Variants in GFPT2 observed in about 807,000 individuals in gnomAD.
GFPT2 encodes glutamine--fructose-6-phosphate transaminase 2.
Under a neutral mutation model 85.6 loss-of-function variants are expected in GFPT2, and 62 were observed. The ratio of observed to expected loss-of-function variants is 0.72; its 90% CI spans 0.59 to 0.90. GFPT2 has a LOEUF of 0.90. Ranked by LOEUF, GFPT2 falls within the 40% of genes least tolerant of loss-of-function variation. GFPT2 has a pLI of 0.00. For missense variants in GFPT2, 788 were observed against 893.4 expected (o/e 0.88, Z 1.50); for synonymous variants, 368 against 344.5 (o/e 1.07, Z -0.75).
chr5:180,341,852 C>G (rs1764522218), intron 1 of GFPT2, among the ~76,000 whole-genome samples: 2 of 152,194 alleles, frequency 1.3e-5, no homozygotes, highest in Admixed American at 6.5e-5. Context: ...GCTCACACGA[C>G]AGCCCCCAAA....
intron 1 of GFPT2, 86 bp downstream of exon 1, chr5:180,353,125 G>A: frequency 1.8e-6 from 2 of 1,134,824 alleles, no homozygotes; most frequent in Non-Finnish European, 2.2e-6. Flanking sequence ...CTCGGCGCCT[G>A]CTTGCGGGCG....
chr5:180,307,283 A>C lies in GFPT2; in HGVS notation c.1567T>G (p.Ser523Ala), dbSNP rs1763801384. ...AAGTCGTGGATCTTCTCCTCCAGAG[A>C]CAGCACTTCCTTGATCAGCTCTGGG... Reference protein sequence around the residue: ...SLPELIKEVLSLEEKIHDLAL... With the variant: ...SLPELIKEVLALEEKIHDLAL... Residue 523 changes from serine to alanine, a missense_variant, in exon 16 of 19, where the codon TCT becomes GCT. Ser to Ala is a moderately conservative substitution (Grantham distance 99). Transcript: ENST00000253778. 2 of 1,613,970 alleles carry C rather than the reference A, an allele frequency of 1.2e-6. No individual in the cohort carries two copies. Among genetic ancestry groups the C allele is most frequent in the East Asian group, 4.5e-5 (2 of 44,872 alleles).
chr5:180,353,219 G>A lies in GFPT2; in HGVS notation c.-2C>T. ...GCGGGCGCGGCACTCACCGCACATC[G>A]TGGCTGCTTCTCGGGCTCCTTCGCG... is the stretch of plus-strand genomic sequence containing the variant. On this transcript the variant is annotated 5_prime_UTR_variant, in exon 1 of 19. The change creates a new upstream start codon in the 5' untranslated region. Coordinates refer to ENST00000253778, the MANE Select transcript of GFPT2 (RefSeq NM_005110.4). The A allele has an allele frequency of 8.1e-7, 1 of 1,240,684 alleles. No homozygotes were observed. The highest frequency in any genetic ancestry group is 3.2e-5 in the East Asian group (1 of 31,694). 76.9% of individuals were successfully genotyped at this position (1,240,684 alleles called of 1,614,324 possible). A position where few individuals can be genotyped will look rare whatever the true frequency, so the allele number is the denominator to read the frequency against.
Position 180,330,585 on chromosome 5 carries a change from T to G in GFPT2, c.534+115A>C. ...TTTATCCCCAGGACTCTGTGCAAGT[T>G]TGTCTAACAAGGGCTTATAAAAAAT... On this transcript the variant is annotated intron_variant, in intron 6 of 18. Transcript: ENST00000253778. This position sits in a 1 kb window ranked among gnomAD's most constrained non-coding sequence, Gnocchi z 4.4. The G allele has an allele frequency of 1.2e-6, 1 of 835,624 alleles. No homozygotes were observed. The highest frequency in any genetic ancestry group is 1.9e-6 in the Non-Finnish European group (1 of 515,090). The allele number at this position is 835,624 out of a possible 1,614,324, so 51.8% of individuals were successfully genotyped here.
chr5:180,352,435 T>C lies in GFPT2; in HGVS notation c.7+776A>G, dbSNP rs1267962283. The C allele has an allele frequency of 2.9e-5, 13 of 448,316 alleles. No individual in the cohort carries two copies. The East Asian group carries it at 7.9e-4, about 27-fold the overall frequency. 27.8% of individuals were successfully genotyped at this position (448,316 alleles called of 1,614,324 possible). On this transcript the variant is annotated intron_variant, in intron 1 of 18. Coordinates refer to ENST00000253778, the MANE Select transcript of GFPT2 (RefSeq NM_005110.4). Reference sequence around the variant, plus strand: ...AGCGGAGGCGGCCCAGCCAGGAGAGTAAAGAATTGCAGATGTGCGCTCCGG... The same window carrying C: ...AGCGGAGGCGGCCCAGCCAGGAGAGCAAAGAATTGCAGATGTGCGCTCCGG...
intron 9 of GFPT2, among the ~76,000 whole-genome samples, chr5:180,320,218 T>A (rs981713150): frequency 6.6e-6 from 1 of 151,954 alleles, no homozygotes; most frequent in African/African-American, 2.4e-5. Flanking sequence ...GGTCTCGATC[T>A]CCTGACCTCG....
chr5:180,317,118 G>A (rs778132818), intron 10 of GFPT2, 60 bp from the exon 11 acceptor site: 13 of 1,082,002 alleles, frequency 1.2e-5, no homozygotes, highest in Non-Finnish European at 1.9e-5. Flanking sequence ...TTTTCATTAT[G>A]CAGCAGCGAT....
At chr5:180,320,376 A>C (rs1764095987) in intron 9 of GFPT2, among the ~76,000 whole-genome samples, 1 of 152,248 alleles carries the variant, frequency 6.6e-6, no homozygotes, top group Non-Finnish European at 1.5e-5. Context: ...AGTATCTTTT[A>C]AAATCATTTT....
At position 180,328,473 on chromosome 5, in the gene GFPT2, A is replaced by C. The variant is rs957215255; in HGVS notation, c.535-135T>G. On this transcript the variant is annotated intron_variant, in intron 6 of 18. Coordinates refer to ENST00000253778, the MANE Select transcript of GFPT2 (RefSeq NM_005110.4). This position sits in a 1 kb window ranked among gnomAD's most constrained non-coding sequence, Gnocchi z 5.4. ...GGGTCCCTCGGGGAGCTGAGTGCAG[A>C]ACAGCGCATCCGGGGTGACATCACG... 1 of 680,870 alleles carries C rather than the reference A, an allele frequency of 1.5e-6. No homozygotes were observed. The highest frequency in any genetic ancestry group is 1.8e-5 in the African/African-American group (1 of 55,854). The allele number at this position is 680,870 out of a possible 1,614,324, so 42.2% of individuals were successfully genotyped here.
chr5:180,307,824 C>A (rs1763808871), intron 15 of GFPT2, among the ~76,000 whole-genome samples: 1 of 152,232 alleles, frequency 6.6e-6, no homozygotes, highest in Non-Finnish European at 1.5e-5. Context: ...TAGAAAATAA[C>A]ACTGAGGACC....
chr5:180,313,253 T>C lies in GFPT2; in HGVS notation c.1431+554A>G, dbSNP rs1032060853. On this transcript the variant is annotated intron_variant, in intron 14 of 18. Coordinates refer to ENST00000253778, the MANE Select transcript of GFPT2 (RefSeq NM_005110.4). ...GTGCTCAAAGAGCCACAGGACAACA[T>C]GGACGAAACACAGGAACGTGGCATG... Among the ~76,000 whole-genome samples the C allele has an allele frequency of 5.9e-5, 9 of 151,660 alleles. 1 individual carries two copies. The South Asian group carries it at 1.3e-3, about 21-fold the overall frequency.
chr5:180,331,260 C>T (rs1037450297), intron 5 of GFPT2, among the ~76,000 whole-genome samples: 4 of 152,220 alleles, frequency 2.6e-5, no homozygotes, highest in Non-Finnish European at 4.4e-5. Flanking sequence ...TATTTTGATT[C>T]TGGGAATCTG....
At chr5:180,317,995 G>A (rs1053947587) in intron 10 of GFPT2, among the ~76,000 whole-genome samples, 7 of 152,026 alleles carry the variant, frequency 4.6e-5, no homozygotes, top group East Asian at 1.9e-4. Flanking sequence ...CTTGTGCGAC[G>A]AGCAAATGAA....
intron 7 of GFPT2, among the ~76,000 whole-genome samples, chr5:180,327,837 A>G (rs1041256142): frequency 6.6e-6 from 1 of 152,136 alleles, no homozygotes; most frequent in East Asian, 1.9e-4. Flanking sequence ...GTGAAGCTTG[A>G]GCCCCGGGCC....
chr5:180,353,033 A>C, intron 1 of GFPT2, 178 bp downstream of exon 1: 2 of 421,954 alleles, frequency 4.7e-6, no homozygotes, highest in Non-Finnish European at 7.8e-6. Context: ...CACTCGGGGA[A>C]CGCGGGTGAG....
intron 1 of GFPT2, among the ~76,000 whole-genome samples, chr5:180,349,048 T>C (rs891709189): frequency 6.6e-6 from 1 of 151,904 alleles, no homozygotes; most frequent in African/African-American, 2.4e-5. Flanking sequence ...CCATTTCTAT[T>C]TTTTAATAGA....
At chr5:180,346,615 G>T (rs1055304378) in intron 1 of GFPT2, among the ~76,000 whole-genome samples, 2 of 152,230 alleles carry the variant, frequency 1.3e-5, no homozygotes, top group Non-Finnish European at 2.9e-5. Context: ...CCACCCTGCA[G>T]CTTCCGCCCT....
rs1473424654 is a variant in GFPT2, at chr5:180,328,071, C to A, written c.596+206G>T. ...AAACACAAATCCAACTTTCTGGTTT[C>A]TTTTTTTTTTTTTTTAATTCAGAAG... On this transcript the variant is annotated intron_variant, in intron 7 of 18. Transcript: ENST00000253778. This position sits in a 1 kb window ranked among gnomAD's most constrained non-coding sequence, Gnocchi z 5.4. Among the ~76,000 whole-genome samples, 1 of 143,266 alleles carries A rather than the reference C, an allele frequency of 7.0e-6. No individual in the cohort carries two copies. 94.0% of individuals were successfully genotyped at this position (143,266 alleles called of 152,430 possible). A position where few individuals can be genotyped will look rare whatever the true frequency, so the allele number is the denominator to read the frequency against.
At chr5:180,353,143 GGA>G in intron 1 of GFPT2, 66 bp downstream of exon 1, 3 of 1,207,978 alleles carry the variant, frequency 2.5e-6, no homozygotes, top group Non-Finnish European at 3.1e-6. Context: ...GCGGAGGCGC[GGA>G]GAGGCTGCGG....
Sources: gnomAD v4.1 joint callset for allele counts (sites outside exome capture counted in the v4.1 genomes callset) on GRCh38, gnomAD v4.1.1 for gene constraint, Gnocchi (gnomAD v3.1) non-coding constraint, MANE v1.5 for transcripts, NCBI Gene and HGNC (gene_info 2026-07-23, HGNC 2026-07-21) for gene names.